The following HID1 variants were observed in gnomAD, a reference collection of about 807,000 sequenced individuals.
HID1 encodes the protein HID1 domain containing.
HID1 carries 42 observed loss-of-function variants against 89.7 expected under a neutral mutation model. That is an observed-to-expected ratio of 0.47 (90% CI 0.37 to 0.61). HID1 has a LOEUF of 0.61. Ranked by LOEUF, HID1 falls within the 20% of genes least tolerant of loss-of-function variation. HID1 has a pLI of 0.00. For synonymous variants in HID1, 442 were observed against 433.8 expected (o/e 1.02, Z -0.24); for missense variants, 854 against 1,039.3 (o/e 0.82, Z 2.45).
In HID1 at chr17:74,952,311, A is replaced by G; in HGVS notation, c.2102T>C (p.Leu701Pro). The G allele has an allele frequency of 6.2e-7, 1 of 1,613,786 alleles. No individual in the cohort carries two copies. The highest frequency in any genetic ancestry group is 2.2e-5 in the East Asian group (1 of 44,850). The change falls in exon 17 of 19, where the codon CTG (leucine) becomes CCG (proline). Residue 701 changes from leucine to proline, a missense_variant. Transcript: ENST00000425042. ...CTCCACCTGCGGAACCAGCACCTGC[A>G]GCAGCCTCATGATGGTCTGCAGCGG... The part of the protein sequence containing the change: ...KLPLQTIMRL[L>P]QVLVPQVEKI...
At chr17:74,960,304 C>A (rs3744199) in intron 6 of HID1, 56 bp from the exon 7 acceptor site, 293,559 of 1,470,768 alleles carry the variant, frequency 0.2, 38,441 homozygotes, top group East Asian at 0.76. Context: ...AGCCCCCTGG[C>A]CACACCTCTC....
At position 74,959,715 on chromosome 17, in the gene HID1, C is replaced by A. The variant is rs1253297107; in HGVS notation, c.1008+166G>T. 6.6e-6 allele frequency among the ~76,000 whole-genome samples: 1 copy of A among 152,206 alleles called. No individual in the cohort carries two copies. Among genetic ancestry groups the A allele is most frequent in the Non-Finnish European group, 1.5e-5 (1 of 68,034 alleles). ...ACCTCTACCCAGGTGAGGCCATCAG[C>A]CCTTCCTGCATCTTGAAACCCTCAC... is the stretch of plus-strand genomic sequence containing the variant. On this transcript the variant is annotated intron_variant, in intron 8 of 18. Transcript: ENST00000425042. This position sits in a 1 kb window ranked among gnomAD's most constrained non-coding sequence, Gnocchi z 4.6.
intron 1 of HID1, among the ~76,000 whole-genome samples, chr17:74,965,143 A>G (rs2039542725): frequency 1.3e-5 from 2 of 152,164 alleles, no homozygotes; most frequent in South Asian, 4.1e-4. Flanking sequence ...CATCTGGTGA[A>G]TTCACCTCTG....
Position 74,960,392 on chromosome 17 carries a change from T to C in HID1, c.729-144A>G, listed in dbSNP as rs1598625273. 7.1e-6 allele frequency: 5 copies of C among 702,972 alleles called. No homozygotes were observed. In the Admixed American group the frequency reaches 1.3e-4, roughly 19 times the overall value. The allele number at this position is 702,972 out of a possible 1,614,324, so 43.5% of individuals were successfully genotyped here. On this transcript the variant is annotated intron_variant, in intron 6 of 18. Transcript: ENST00000425042. ...GGGAGTGGCTTGGAAAGAGTGGGTGTGGGAAGCCCAGAGCCATGATTAGGA... is the reference window on the plus strand; with the variant it reads ...GGGAGTGGCTTGGAAAGAGTGGGTGCGGGAAGCCCAGAGCCATGATTAGGA...
intron 1 of HID1, among the ~76,000 whole-genome samples, chr17:74,967,555 T>A (rs540721674): frequency 4.5e-4 from 67 of 149,912 alleles, no homozygotes; most frequent in Middle Eastern, 3.6e-3. Flanking sequence ...ATAAAAAATA[T>A]AATAATAATA....
intron 1 of HID1, among the ~76,000 whole-genome samples, chr17:74,971,324 C>T (rs1408305416): frequency 6.6e-6 from 1 of 152,220 alleles, no homozygotes; most frequent in African/African-American, 2.4e-5. Context: ...AGAACGAAAA[C>T]CCCATCCTAA....
At chr17:74,965,217 C>T (rs1567964660) in intron 1 of HID1, among the ~76,000 whole-genome samples, 4 of 152,226 alleles carry the variant, frequency 2.6e-5, no homozygotes. Flanking sequence ...TCAGGCTGCC[C>T]TTGCCAGGGC....
intron 6 of HID1, among the ~76,000 whole-genome samples, chr17:74,960,947 A>T (rs549295289): frequency 2.3e-5 from 2 of 85,650 alleles, no homozygotes; most frequent in South Asian, 8.1e-4. Context: ...CCCTCCCCCC[A>T]CCCCGTGCTC....
chr17:74,959,929 G>A lies in HID1; in HGVS notation c.960C>T (p.Gly320=). The change falls in exon 8 of 19, where the codon GGC becomes GGT. Residue 320 remains glycine, a synonymous_variant. Transcript: ENST00000425042. The surrounding 1 kb of genome is among the most constrained non-coding windows in gnomAD (Gnocchi z 4.6). The stretch of plus-strand genomic sequence containing the variant: ...GGTAGTTCACAAACAGGTTCTCAGG[G>A]CCTGGAGGCTGCCAAGAGGAGAAGC... ...GTAMDDADPP[G]PENLFVNYLS... is the part of the protein sequence containing the mutation. 2 of 1,613,702 alleles carry A rather than the reference G, an allele frequency of 1.2e-6. No homozygotes were observed. Among genetic ancestry groups the A allele is most frequent in the Non-Finnish European group, 1.7e-6 (2 of 1,180,034 alleles).
At chr17:74,964,737 C>T (rs2039537155) in intron 1 of HID1, 105 bp from the exon 2 acceptor site, 1 of 1,225,338 alleles carries the variant, frequency 8.2e-7, no homozygotes. Context: ...GCCAGAGTCC[C>T]CCTACCTGCT....
Position 74,958,800 on chromosome 17 carries a change from A to G in HID1, c.1150-37T>C, listed in dbSNP as rs1301997627. ...GGGAGGGGCCAAGTGGGCTGAGTTC[A>G]AGGGAGGGGCAGCTCTGCCCCACCC... On this transcript the variant is annotated intron_variant, in intron 9 of 18. Coordinates refer to ENST00000425042, the MANE Select transcript of HID1 (RefSeq NM_030630.3). The surrounding 1 kb of genome is among the most constrained non-coding windows in gnomAD (Gnocchi z 5.2). 1 of 1,606,388 alleles carries G rather than the reference A, an allele frequency of 6.2e-7. No homozygotes were observed. The highest frequency in any genetic ancestry group is 1.1e-5 in the South Asian group (1 of 90,406).
At position 74,961,913 on chromosome 17, in the gene HID1, T is replaced by C; in HGVS notation, c.688A>G (p.Thr230Ala). Reference protein sequence around the residue: ...YLPPAPESGSTNPWVQFFCST... With the variant: ...YLPPAPESGSANPWVQFFCST... ...CAAAAGAACTGAACCCATGGGTTGGTGCTGCCACTTTCCGGAGCTGGGGGC... is the reference window on the plus strand; with the variant it reads ...CAAAAGAACTGAACCCATGGGTTGGCGCTGCCACTTTCCGGAGCTGGGGGC... Residue 230 changes from threonine (T) to alanine (A), a missense_variant, in exon 6 of 19, where the codon ACC becomes GCC. Coordinates refer to ENST00000425042, the MANE Select transcript of HID1 (RefSeq NM_030630.3). 1 of 1,602,922 alleles carries C rather than the reference T, an allele frequency of 6.2e-7. No individual in the cohort carries two copies. The highest frequency in any genetic ancestry group is 1.3e-5 in the African/African-American group (1 of 74,420).
rs140846972 is a variant in HID1, at chr17:74,958,004, G to T, written c.1471+137C>A. The stretch of plus-strand genomic sequence containing the variant: ...GTTGTCACCCTTTTTTTTTAATGTG[G>T]CTACTATGAAGGGTACACAAGCTTG... On this transcript the variant is annotated intron_variant, in intron 12 of 18. Transcript: ENST00000425042. This position sits in a 1 kb window ranked among gnomAD's most constrained non-coding sequence, Gnocchi z 5.2. 119 of 647,782 alleles carry T rather than the reference G, an allele frequency of 1.8e-4. No homozygotes were observed. The highest frequency in any genetic ancestry group is 1.5e-3 in the African/African-American group (82 of 54,630). 40.1% of individuals were successfully genotyped at this position (647,782 alleles called of 1,614,324 possible).
At chr17:74,963,524 C>A in intron 3 of HID1, 1 of 591,418 alleles carries the variant, frequency 1.7e-6, no homozygotes, top group Non-Finnish European at 3.0e-6. Context: ...CCATACCCTA[C>A]TTCCTCCAGA....
chr17:74,972,639 G>C lies in HID1; in HGVS notation c.18C>G (p.Ser6=). The C allele has an allele frequency of 6.5e-7, 1 of 1,548,854 alleles. No homozygotes were observed. Among genetic ancestry groups the C allele is most frequent in the Non-Finnish European group, 8.7e-7 (1 of 1,145,680 alleles). Residue 6 remains serine, a synonymous_variant, in exon 1 of 19, where the codon TCC becomes TCG. Transcript: ENST00000425042. This position sits in a 1 kb window ranked among gnomAD's most constrained non-coding sequence, Gnocchi z 6.4. ...TCACCGCCTTCCGGAAGTTCAGCTT[G>C]GAGTCGGTCGACCCCATGTCTCTGG... MGSTD[S]KLNFRKAVIQ...
chr17:74,960,222 AG>A lies in HID1; in HGVS notation c.754del (p.Leu252SerfsTer75). 1 of 1,612,064 alleles carries A rather than the reference AG, an allele frequency of 6.2e-7. No individual in the cohort carries two copies. On this transcript the variant is annotated frameshift_variant, in exon 7 of 19. Coordinates refer to ENST00000425042, the MANE Select transcript of HID1 (RefSeq NM_030630.3). LOFTEE classifies it high-confidence loss of function. ...NRHALPLFTS[L>X]LNTVCAYDPV... is the part of the protein sequence containing the mutation. The stretch of plus-strand genomic sequence containing the variant: ...GTCATAGGCACACACGGTGTTGAGG[AG>A]GGAGGTGAAGAGGGGCAGGGCATGT...
chr17:74,958,413 C>T lies in HID1; in HGVS notation c.1306G>A (p.Gly436Arg), dbSNP rs898870418. 1.9e-6 allele frequency: 3 copies of T among 1,607,138 alleles called. No homozygotes were observed. Among genetic ancestry groups the T allele is most frequent in the South Asian group, 2.2e-5 (2 of 89,920 alleles). ...LLLLSGERNF[G>R]VRLNKPYSIR... ...GAGTAGGGTTTGTTCAGCCGCACCC[C>T]GAAGTTCCGCTCCCCGCTCAGAAGC... The change falls in exon 11 of 19, where the codon GGG becomes AGG. Residue 436 changes from glycine to arginine, a missense_variant. Gly to Arg is a moderately radical substitution (Grantham distance 125). Transcript: ENST00000425042. This position sits in a 1 kb window ranked among gnomAD's most constrained non-coding sequence, Gnocchi z 5.2.
rs2039419457 is a variant in HID1 at position 74,958,092 on chromosome 17, T to G, written c.1471+49A>C. The G allele has an allele frequency of 2.6e-6, 4 of 1,535,208 alleles. No individual in the cohort carries two copies. In the African/African-American group the frequency reaches 4.1e-5, roughly 16 times the overall value. ...GCAAGTGGCAGGTTGGCCTGTGGCC[T>G]GACACCACCTGGTGGTGAGCGCGGG... is the stretch of plus-strand genomic sequence containing the variant. On this transcript the variant is annotated intron_variant, in intron 12 of 18. Coordinates refer to ENST00000425042, the MANE Select transcript of HID1 (RefSeq NM_030630.3). The surrounding 1 kb of genome is among the most constrained non-coding windows in gnomAD (Gnocchi z 5.2).
intron 17 of HID1, 73 bp downstream of exon 17, chr17:74,952,196 T>TGCCCACACCACCGGCCCC: frequency 1.3e-6 from 2 of 1,528,894 alleles, no homozygotes; most frequent in South Asian, 2.3e-5. Flanking sequence ...AGAGCCCACC[T>TGCCCACACCACCGGCCCC]GCCCACACCA....
Sources: gnomAD v4.1 joint callset for allele counts (sites outside exome capture counted in the v4.1 genomes callset) on GRCh38, gnomAD v4.1.1 for gene constraint, Gnocchi (gnomAD v3.1) non-coding constraint, MANE v1.5 for transcripts, NCBI Gene and HGNC (gene_info 2026-07-23, HGNC 2026-07-21) for gene names.